The following TMTC2 variants were observed in gnomAD, a reference collection of about 807,000 sequenced individuals.
TMTC2 encodes the protein transmembrane O-mannosyltransferase targeting cadherins 2, also known as protein O-mannosyl-transferase TMTC2.
TMTC2 carries 43 observed loss-of-function variants against 82.4 expected under a neutral mutation model. The ratio of observed to expected loss-of-function variants is 0.52; its 90% confidence interval spans 0.41 to 0.67. The LOEUF (loss-of-function observed/expected upper bound fraction) is 0.67, where lower values mean the gene tolerates loss of function less well. Among genes scored for constraint, TMTC2 ranks in the 30% least tolerant of loss-of-function variants. The pLI, the probability that TMTC2 is intolerant of heterozygous loss-of-function variation, is 0.00. For synonymous variants in TMTC2, 408 were observed against 381.9 expected, an observed-to-expected ratio of 1.07 and a Z score of -0.80; for missense variants, 919 against 1,012.4, an observed-to-expected ratio of 0.91 and a Z score of 1.25.
At chr12:83,001,071 T>G (rs1054873215) in intron 8 of TMTC2, among the ~76,000 whole-genome samples, 1 of 151,946 alleles carries the variant, frequency 6.6e-6, no homozygotes, top group Non-Finnish European at 1.5e-5. Context: ...CTTCTAAATC[T>G]CCGGGCCTGT....
In TMTC2 at chr12:82,703,203, C is replaced by T. The variant is rs1225373163; in HGVS notation, c.83+15534C>T. Among the ~76,000 whole-genome samples, 6 of 151,858 alleles carry T rather than the reference C, an allele frequency of 4.0e-5. No homozygotes were observed. The East Asian group carries it at 1.2e-3, about 29-fold the overall frequency. On this transcript the variant is annotated intron_variant, in intron 1 of 11. Coordinates refer to ENST00000321196, the MANE Select transcript of TMTC2 (RefSeq NM_152588.3). ...GGCCAACAGAGTGAGGTCCTGTCTC[C>T]AGAAAAGAAAAGAACTAACAAAAGA...
chr12:83,076,448 G>T (rs1883285370), intron 11 of TMTC2, among the ~76,000 whole-genome samples: 1 of 152,140 alleles, frequency 6.6e-6, no homozygotes, highest in Non-Finnish European at 1.5e-5. Flanking sequence ...AGCTATAATT[G>T]TTCAAACTGG....
intron 8 of TMTC2, among the ~76,000 whole-genome samples, chr12:83,019,855 G>C (rs147502367): frequency 6.6e-6 from 1 of 151,944 alleles, no homozygotes; most frequent in African/African-American, 2.4e-5. Context: ...ATAAAACAGC[G>C]GCTAGCATCT....
intron 8 of TMTC2, among the ~76,000 whole-genome samples, chr12:82,995,275 C>T (rs1486230260): frequency 6.6e-6 from 1 of 152,004 alleles, no homozygotes. Flanking sequence ...AGTAGTTGGG[C>T]CAATGCTTTT....
intron 1 of TMTC2, chr12:82,759,937 A>G (rs1278130656): frequency 6.6e-6 from 1 of 152,202 alleles, no homozygotes; most frequent in Non-Finnish European, 1.5e-5. Flanking sequence ...AGTTATTTTG[A>G]CAAAGTTTGG....
At chr12:82,728,902 T>C (rs1039070420) in intron 1 of TMTC2, among the ~76,000 whole-genome samples, 2 of 152,200 alleles carry the variant, frequency 1.3e-5, no homozygotes, top group African/African-American at 4.8e-5. Context: ...GTGAGGAGCT[T>C]AGCACCTGGG....
At position 83,119,250 on chromosome 12, in the gene TMTC2, C is replaced by G. The variant is rs1411419538; in HGVS notation, c.2332-12960C>G. ...TGTGACCTTAGATTGTCTGCCTGTG[C>G]TCTTTCAGAGCTATTGATATAGATG... On this transcript the variant is annotated intron_variant, in intron 11 of 11. Coordinates refer to ENST00000321196, the MANE Select transcript of TMTC2 (RefSeq NM_152588.3). Among the ~76,000 whole-genome samples the G allele has an allele frequency of 2.6e-5, 4 of 152,140 alleles. No homozygotes were observed. The East Asian group carries it at 5.8e-4, about 22-fold the overall frequency.
rs373124276 is a variant in TMTC2, at chr12:82,871,782, T to C, written c.654+14202T>C. On this transcript the variant is annotated intron_variant, in intron 2 of 11. Transcript: ENST00000321196. ...TTTAGAGTCGGTGTCCATTTTTTTT[T>C]CTCCTCAATGCTGCTCATGTGAGGA... is the stretch of plus-strand genomic sequence containing the variant. 3.9e-4 allele frequency among the ~76,000 whole-genome samples: 59 copies of C among 151,950 alleles called. 1 individual carries two copies. In the East Asian group the frequency reaches 9.7e-3, roughly 25 times the overall value.
chr12:82,924,176 G>A (rs894406769), intron 3 of TMTC2, among the ~76,000 whole-genome samples: 22 of 152,162 alleles, frequency 1.4e-4, no homozygotes, highest in Admixed American at 5.9e-4. Context: ...TACTTCTTGC[G>A]CTGAGAGAGA....
At chr12:82,738,073 C>T (rs954494278) in intron 1 of TMTC2, among the ~76,000 whole-genome samples, 2 of 152,116 alleles carry the variant, frequency 1.3e-5, no homozygotes, top group Non-Finnish European at 2.9e-5. Flanking sequence ...TTATTGTTGT[C>T]TCCCTTAGAA....
chr12:82,902,087 A>C (rs530169902), intron 3 of TMTC2, among the ~76,000 whole-genome samples: 5 of 152,158 alleles, frequency 3.3e-5, no homozygotes, highest in Non-Finnish European at 5.9e-5. Context: ...GACAAGGCTG[A>C]GATCTTTCCC....
chr12:83,015,353 T>C (rs1880629914), intron 8 of TMTC2, among the ~76,000 whole-genome samples: 1 of 152,224 alleles, frequency 6.6e-6, no homozygotes, highest in Non-Finnish European at 1.5e-5. Context: ...TATATACCTT[T>C]GAATTGCTTT....
At chr12:82,866,837 A>G (rs1350101892) in intron 2 of TMTC2, among the ~76,000 whole-genome samples, 1 of 152,216 alleles carries the variant, frequency 6.6e-6, no homozygotes. Context: ...CCATGAGTAC[A>G]TTAGAGATTC....
At chr12:82,773,844 AT>A (rs556894742) in intron 1 of TMTC2, among the ~76,000 whole-genome samples, 1 of 151,536 alleles carries the variant, frequency 6.6e-6, no homozygotes, top group African/African-American at 2.4e-5. Flanking sequence ...TTAACCTTTT[AT>A]TTTTTTCTTT....
At chr12:82,719,088 T>TA (rs1385689148) in intron 1 of TMTC2, among the ~76,000 whole-genome samples, 2 of 93,534 alleles carry the variant, frequency 2.1e-5, no homozygotes, top group African/African-American at 4.2e-5. Context: ...TATATATATT[T>TA]TTTTTTTTTT....
intron 9 of TMTC2, among the ~76,000 whole-genome samples, chr12:83,047,914 G>A (rs6539700): frequency 0.47 from 70,945 of 152,018 alleles, 17,445 homozygotes; most frequent in East Asian, 0.79. Flanking sequence ...CTAAAGCTTC[G>A]AAGGCTTTGC....
At chr12:82,859,319 G>C (rs1469023603) in intron 2 of TMTC2, among the ~76,000 whole-genome samples, 1 of 152,080 alleles carries the variant, frequency 6.6e-6, no homozygotes, top group Non-Finnish European at 1.5e-5. Context: ...GCCCGCCTTG[G>C]CCTCCCAAAG....
intron 8 of TMTC2, among the ~76,000 whole-genome samples, chr12:83,026,543 G>C (rs1881185171): frequency 6.6e-6 from 1 of 152,020 alleles, no homozygotes. Flanking sequence ...GAGTTGGGTA[G>C]TTGATGTAAT....
chr12:82,852,576 C>T (rs886230184), intron 1 of TMTC2, among the ~76,000 whole-genome samples: 5 of 152,076 alleles, frequency 3.3e-5, no homozygotes, highest in Non-Finnish European at 7.4e-5. Context: ...AACACCATTT[C>T]ACGGAAGCAA....
Sources: gnomAD v4.1 joint callset for allele counts (sites outside exome capture counted in the v4.1 genomes callset) on GRCh38, gnomAD v4.1.1 for gene constraint, MANE v1.5 for transcripts, NCBI Gene and HGNC (gene_info 2026-07-23, HGNC 2026-07-21) for gene names.